PPP2R3C: variants seen among roughly 807,000 people sequenced by gnomAD.
PPP2R3C encodes the protein protein phosphatase 2 regulatory subunit B''gamma, also known as serine/threonine-protein phosphatase 2A regulatory subunit B'' subunit gamma.
In PPP2R3C, 47 loss-of-function variants were observed where a neutral mutation model predicts 63.7. That is an observed-to-expected ratio of 0.74 (90% CI 0.58 to 0.94). PPP2R3C has a LOEUF of 0.94. Ranked by LOEUF, PPP2R3C falls within the 40% of genes least tolerant of loss-of-function variation. The probability of loss-of-function intolerance (pLI) is 0.00; values close to 1 mark genes in which losing one functional copy is unlikely to be tolerated. For missense variants in PPP2R3C, 421 were observed against 518.4 expected, an observed-to-expected ratio of 0.81 and a Z score of 1.82; for synonymous variants, 180 against 177.4, an observed-to-expected ratio of 1.01 and a Z score of -0.12.
chr14:35,088,058 C>CA, intron 11 of PPP2R3C, 48 bp from the exon 12 acceptor site: 1 of 1,364,414 alleles, frequency 7.3e-7, no homozygotes, highest in South Asian at 1.2e-5. Flanking sequence ...AAATACACAA[C>CA]ATCCCTCTTT....
At chr14:35,090,237 GTTTTTT>G (rs34745484) in intron 11 of PPP2R3C, among the ~76,000 whole-genome samples, 2,170 of 116,894 alleles carry the variant, frequency 0.019, 26 homozygotes, top group Middle Eastern at 0.035. Context: ...GGTAGTTGTA[GTTTTTT>G]TTTTTTTTTT....
In PPP2R3C at chr14:35,085,593, T is replaced by C. The variant is rs778989431; in HGVS notation, c.1359A>G (p.Thr453=). 1.9e-6 allele frequency: 3 copies of C among 1,603,284 alleles called. No individual in the cohort carries two copies. Among genetic ancestry groups the C allele is most frequent in the Middle Eastern group, 3.3e-4 (2 of 6,018 alleles). The change falls in exon 13 of 13, where the codon ACA becomes ACG. Residue 453 remains threonine, a synonymous_variant. Coordinates refer to ENST00000261475, the MANE Select transcript of PPP2R3C (RefSeq NM_017917.4). ...DSENSADLDD[T] is the part of the protein sequence containing the mutation. Reference sequence around the variant, plus strand: ...AGACAGTCTAGTCTTTCAGAGATCATGTATCATCAAGGTCTGCAGAGTTTT... The same window carrying C: ...AGACAGTCTAGTCTTTCAGAGATCACGTATCATCAAGGTCTGCAGAGTTTT...
intron 9 of PPP2R3C, among the ~76,000 whole-genome samples, chr14:35,095,395 C>T (rs2045959199): frequency 6.6e-6 from 1 of 152,178 alleles, no homozygotes; most frequent in South Asian, 2.1e-4. Context: ...AAAAACCCAT[C>T]ATGAAGGCCA....
chr14:35,087,913 A>C, intron 12 of PPP2R3C, 38 bp downstream of exon 12: 5 of 1,458,284 alleles, frequency 3.4e-6, no homozygotes, highest in Non-Finnish European at 3.8e-6. Context: ...ACTATCTCAT[A>C]ATTATCTGGT....
chr14:35,087,897 C>G (rs1029221773), intron 12 of PPP2R3C, 54 bp downstream of exon 12: 2 of 1,359,126 alleles, frequency 1.5e-6, no homozygotes, highest in East Asian at 4.6e-5. Context: ...TCATGTAATA[C>G]AAATGACTAT....
chr14:35,097,119 G>A (rs750655735), intron 7 of PPP2R3C, among the ~76,000 whole-genome samples: 5 of 152,036 alleles, frequency 3.3e-5, no homozygotes, highest in Admixed American at 6.6e-5. Context: ...GGAGGCTGAG[G>A]CAGGAGAATC....
intron 7 of PPP2R3C, 109 bp downstream of exon 7, chr14:35,099,143 G>T: frequency 7.6e-7 from 1 of 1,316,066 alleles, no homozygotes. Context: ...AATTTTTAAT[G>T]GCAGTGACAG....
Position 35,085,694 on chromosome 14 carries a change from C to T in PPP2R3C, c.1258G>A (p.Val420Ile), listed in dbSNP as rs752293429. The change falls in exon 13 of 13, where the codon GTA becomes ATA. Residue 420 changes from valine (V) to isoleucine (I), a missense_variant. Coordinates refer to ENST00000261475, the MANE Select transcript of PPP2R3C (RefSeq NM_017917.4). ...TTCAAATCGATTAGAATGGTGGTTA[C>T]TGTGTCTCCTTGATTACTGTTGATT... is the stretch of plus-strand genomic sequence containing the variant. ...DLINSNQGDT[V>I]TTILIDLNGF... 2 of 1,612,372 alleles carry T rather than the reference C, an allele frequency of 1.2e-6. No homozygotes were observed. The highest frequency in any genetic ancestry group is 1.7e-6 in the Non-Finnish European group (2 of 1,178,522).
chr14:35,119,801 C>T (rs540580658), intron 1 of PPP2R3C, among the ~76,000 whole-genome samples: 42 of 149,976 alleles, frequency 2.8e-4, no homozygotes, highest in African/African-American at 9.6e-4. Context: ...AGAATGCAAT[C>T]TAGTGGTGGA....
chr14:35,099,194 G>A, intron 7 of PPP2R3C, 58 bp downstream of exon 7: 1 of 1,396,592 alleles, frequency 7.2e-7, no homozygotes. Context: ...TCTAGTTATT[G>A]AGATTTAGAT....
rs1216753198 is a variant in PPP2R3C at position 35,093,187 on chromosome 14, T to G, written c.975+1861A>C. 2.0e-5 allele frequency among the ~76,000 whole-genome samples: 3 copies of G among 151,592 alleles called. No homozygotes were observed. The East Asian group carries it at 5.8e-4, about 29-fold the overall frequency. Reference sequence around the variant, plus strand: ...GAGATCGCGCCACTGCACTCCAGCCTGGGCGACAGAGGGAGACTCCATCTA... The same window carrying G: ...GAGATCGCGCCACTGCACTCCAGCCGGGGCGACAGAGGGAGACTCCATCTA... On this transcript the variant is annotated intron_variant, in intron 10 of 12. Coordinates refer to ENST00000261475, the MANE Select transcript of PPP2R3C (RefSeq NM_017917.4).
At chr14:35,105,163 A>G (rs2046309408) in intron 6 of PPP2R3C, among the ~76,000 whole-genome samples, 1 of 151,592 alleles carries the variant, frequency 6.6e-6, no homozygotes, top group African/African-American at 2.4e-5. Flanking sequence ...TTAAAATGCT[A>G]CATTCTTTTT....
intron 6 of PPP2R3C, chr14:35,100,064 ATC>A (rs2046137276): frequency 6.6e-6 from 1 of 152,132 alleles, no homozygotes; most frequent in African/African-American, 2.4e-5. Context: ...CAAAGGATGT[ATC>A]AACATACCAT....
chr14:35,108,053 A>C, intron 5 of PPP2R3C, 86 bp downstream of exon 5: 1 of 1,495,116 alleles, frequency 6.7e-7, no homozygotes, highest in East Asian at 2.3e-5. Context: ...GAGTGATTTC[A>C]CATAGAAGAA....
At chr14:35,109,791 A>C in intron 4 of PPP2R3C, 28 bp downstream of exon 4, 1 of 1,506,242 alleles carries the variant, frequency 6.6e-7, no homozygotes, top group East Asian at 2.3e-5. Context: ...AACATAACAC[A>C]TTCTTTTGTT....
chr14:35,110,728 A>G, intron 2 of PPP2R3C, 99 bp from the exon 3 acceptor site: 1 of 710,010 alleles, frequency 1.4e-6, no homozygotes, highest in South Asian at 1.8e-5. Context: ...ACCGCCTCGA[A>G]TTATTTCTTG....
chr14:35,104,420 ACCCTT>A, intron 6 of PPP2R3C, among the ~76,000 whole-genome samples: 1 of 152,234 alleles, frequency 6.6e-6, no homozygotes, highest in Non-Finnish European at 1.5e-5. Flanking sequence ...CATTTCTTTA[ACCCTT>A]ATATCTGAAT....
At chr14:35,099,513 G>A in intron 6 of PPP2R3C, 129 bp from the exon 7 acceptor site, 2 of 1,153,582 alleles carry the variant, frequency 1.7e-6, no homozygotes, top group South Asian at 3.8e-5. Context: ...CTATTTTAGT[G>A]GTAAAACTAT....
intron 11 of PPP2R3C, among the ~76,000 whole-genome samples, chr14:35,089,948 A>G (rs574184606): frequency 6.6e-6 from 1 of 152,180 alleles, no homozygotes; most frequent in East Asian, 1.9e-4. Context: ...TACAGGCATG[A>G]GCCACCGCAA....
Sources: gnomAD v4.1 joint callset for allele counts (sites outside exome capture counted in the v4.1 genomes callset) on GRCh38, gnomAD v4.1.1 for gene constraint, MANE v1.5 for transcripts, NCBI Gene and HGNC (gene_info 2026-07-23, HGNC 2026-07-21) for gene names.